The following RSBN1L variants were observed in gnomAD, a reference collection of about 807,000 sequenced individuals.
RSBN1L encodes round spermatid basic protein 1 like, also known as lysine-specific demethylase RSBN1L.
A neutral mutation model predicts 67.7 loss-of-function variants in RSBN1L; 30 were observed. The observed-to-expected ratio is 0.44, with a 90% CI of 0.33 to 0.60. The LOEUF (loss-of-function observed/expected upper bound fraction) is 0.60. RSBN1L is among the 20% of genes least tolerant of loss of function. RSBN1L has a pLI of 0.02. For synonymous variants in RSBN1L, 433 were observed against 387.0 expected (o/e 1.12, Z -1.39); for missense variants, 992 against 1,031.7 (o/e 0.96, Z 0.53).
chr7:77,755,588 G>A (rs1219138835), intron 3 of RSBN1L, among the ~76,000 whole-genome samples: 1 of 152,058 alleles, frequency 6.6e-6, no homozygotes, highest in Admixed American at 6.6e-5. Flanking sequence ...AATCACTTGA[G>A]CCCTGGAGGC....
intron 1 of RSBN1L, among the ~76,000 whole-genome samples, chr7:77,721,219 T>C (rs142984814): frequency 8.0e-4 from 120 of 150,858 alleles, no homozygotes; most frequent in Middle Eastern, 3.4e-3. Flanking sequence ...TCATTGTTGG[T>C]AATTTTGTTT....
intron 2 of RSBN1L, among the ~76,000 whole-genome samples, chr7:77,736,768 A>T (rs943829203): frequency 6.6e-6 from 1 of 152,206 alleles, no homozygotes; most frequent in Non-Finnish European, 1.5e-5. Context: ...TTAATTTCTT[A>T]AATTATTTTA....
Position 77,750,068 on chromosome 7 carries a change from A to C in RSBN1L, c.1344+4A>C. The C allele has an allele frequency of 6.6e-7, 1 of 1,520,686 alleles. No individual in the cohort carries two copies. Among genetic ancestry groups the C allele is most frequent in the Non-Finnish European group, 8.8e-7 (1 of 1,138,056 alleles). The allele number at this position is 1,520,686 out of a possible 1,614,324, so 94.2% of individuals were successfully genotyped here. ...TATGTCCAATTTTCATGCTCAGGTA[A>C]GAGGTTTTTAGTTTTATAAAATAAC... is the stretch of plus-strand genomic sequence containing the variant. On this transcript the variant is annotated splice_donor_region_variant and intron_variant, in intron 3 of 7. Coordinates refer to ENST00000334955, the MANE Select transcript of RSBN1L (RefSeq NM_198467.3).
intron 2 of RSBN1L, among the ~76,000 whole-genome samples, chr7:77,738,271 A>G (rs1013894601): frequency 8.5e-5 from 13 of 152,214 alleles, no homozygotes; most frequent in African/African-American, 3.1e-4. Context: ...ACACATGAAA[A>G]TAAAATTTAA....
At chr7:77,751,028 T>C (rs973854531) in intron 3 of RSBN1L, among the ~76,000 whole-genome samples, 22 of 152,198 alleles carry the variant, frequency 1.4e-4, no homozygotes, top group African/African-American at 5.1e-4. Flanking sequence ...GCTCAAGTTA[T>C]AGTTTCCACT....
chr7:77,699,549 C>T (rs992335344), intron 1 of RSBN1L, among the ~76,000 whole-genome samples: 1 of 151,914 alleles, frequency 6.6e-6, no homozygotes, highest in African/African-American at 2.4e-5. Flanking sequence ...ATTTTTTAAC[C>T]CTATAACTAA....
intron 1 of RSBN1L, among the ~76,000 whole-genome samples, chr7:77,714,166 C>T (rs1367440426): frequency 1.3e-5 from 2 of 152,148 alleles, no homozygotes; most frequent in Non-Finnish European, 2.9e-5. Flanking sequence ...GATTTGATAT[C>T]TATAGGGCAA....
In RSBN1L at chr7:77,719,448, G is replaced by A. The variant is rs145286675; in HGVS notation, c.587-16962G>A. Among the ~76,000 whole-genome samples the A allele has an allele frequency of 2.7e-3, 408 of 152,250 alleles. 6 individuals are homozygous for A. Among genetic ancestry groups the A allele is most frequent in the East Asian group, 0.02 (106 of 5,182 alleles). The stretch of plus-strand genomic sequence containing the variant: ...TATAATTTAAATTGTAATAAATAAT[G>A]TAATTGTATAATGTGGACTTAGAGG... On this transcript the variant is annotated intron_variant, in intron 1 of 7. Coordinates refer to ENST00000334955, the MANE Select transcript of RSBN1L (RefSeq NM_198467.3).
intron 2 of RSBN1L, among the ~76,000 whole-genome samples, chr7:77,748,051 A>C (rs940311712): frequency 4.6e-5 from 7 of 152,202 alleles, no homozygotes; most frequent in Admixed American, 1.3e-4. Flanking sequence ...AATTGTAAAT[A>C]AATAGTTCAG....
intron 1 of RSBN1L, among the ~76,000 whole-genome samples, chr7:77,703,988 T>C (rs1790855890): frequency 2.0e-5 from 3 of 152,176 alleles, no homozygotes. Context: ...ACATCCGTTA[T>C]AAAGGGATGA....
In RSBN1L at chr7:77,749,450, A is replaced by G. The variant is rs530302060; in HGVS notation, c.730A>G (p.Ile244Val). 3.2e-6 allele frequency: 5 copies of G among 1,573,540 alleles called. No individual in the cohort carries two copies. The highest frequency in any genetic ancestry group is 2.2e-5 in the East Asian group (1 of 44,576). Reference sequence around the variant, plus strand: ...TGGGAAGGAGAAACCAAAAACAAATATAGAAGACTTACAAATTAAAAAGGT... The same window carrying G: ...TGGGAAGGAGAAACCAAAAACAAATGTAGAAGACTTACAAATTAAAAAGGT... ...KSGKEKPKTN[I>V]EDLQIKKVKK... The change falls in exon 3 of 8, where the codon ATA (isoleucine) becomes GTA (valine). Residue 244 changes from isoleucine (I) to valine (V), a missense_variant. By Grantham distance (29) the Ile-to-Val change is conservative. Around this residue, in one of 7 missense-constraint regions of RSBN1L, gnomAD observed 575 missense variants for 483.2 expected, o/e 1.19. Coordinates refer to ENST00000334955, the MANE Select transcript of RSBN1L (RefSeq NM_198467.3).
At chr7:77,777,342 C>G (rs1791931466) in intron 6 of RSBN1L, among the ~76,000 whole-genome samples, 1 of 151,490 alleles carries the variant, frequency 6.6e-6, no homozygotes, top group African/African-American at 2.4e-5. Context: ...CTGTACATTC[C>G]TTTTCATAGA....
intron 2 of RSBN1L, among the ~76,000 whole-genome samples, chr7:77,736,834 A>T (rs1440557726): frequency 6.6e-6 from 1 of 152,174 alleles, no homozygotes; most frequent in Non-Finnish European, 1.5e-5. Flanking sequence ...AGATAATCTA[A>T]AAGGAAGAAA....
chr7:77,745,009 G>A (rs1283020601), intron 2 of RSBN1L, among the ~76,000 whole-genome samples: 1 of 152,038 alleles, frequency 6.6e-6, no homozygotes, highest in Non-Finnish European at 1.5e-5. Flanking sequence ...CGCCTGTAAT[G>A]CCAGCACTTT....
intron 1 of RSBN1L, among the ~76,000 whole-genome samples, chr7:77,711,597 C>T (rs1238361586): frequency 6.6e-6 from 1 of 152,102 alleles, no homozygotes; most frequent in Non-Finnish European, 1.5e-5. Flanking sequence ...CCTGTCTTAG[C>T]CTCTGAAAGT....
At chr7:77,747,297 A>G (rs1791496827) in intron 2 of RSBN1L, among the ~76,000 whole-genome samples, 1 of 152,204 alleles carries the variant, frequency 6.6e-6, no homozygotes, top group Admixed American at 6.5e-5. Context: ...AATAAAACGA[A>G]AGAGCCAACT....
chr7:77,730,419 C>CT (rs763527547), intron 1 of RSBN1L, among the ~76,000 whole-genome samples: 1 of 152,164 alleles, frequency 6.6e-6, no homozygotes, highest in African/African-American at 2.4e-5. Context: ...CACCCAAAGT[C>CT]TATCATTTAC....
rs1791587815 is a variant in RSBN1L at position 77,754,061 on chromosome 7, AG to A, written c.1344+4000del. On this transcript the variant is annotated intron_variant, in intron 3 of 7. Transcript: ENST00000334955. ...TTTCTATTGATTGATTGATAGATAC[AG>A]GGTCTTGTTCTATCAGCCAGGCTAG... 2.6e-5 allele frequency among the ~76,000 whole-genome samples: 4 copies of A among 152,264 alleles called. No homozygotes were observed. In the South Asian group the frequency reaches 8.3e-4, roughly 32 times the overall value.
chr7:77,700,757 G>A (rs773551652), intron 1 of RSBN1L, among the ~76,000 whole-genome samples: 22 of 152,066 alleles, frequency 1.4e-4, no homozygotes, highest in Non-Finnish European at 2.2e-4. Context: ...TTCTCTGGCA[G>A]AGTCTTTCTG....
Sources: gnomAD v4.1 joint callset for allele counts (sites outside exome capture counted in the v4.1 genomes callset) on GRCh38, gnomAD v4.1.1 for gene constraint, gnomAD v4.1.1 regional missense constraint, MANE v1.5 for transcripts, NCBI Gene and HGNC (gene_info 2026-07-23, HGNC 2026-07-21) for gene names.